Variants in TLN2 observed in about 807,000 individuals in gnomAD.
TLN2 encodes talin 2, also known as talin-2.
In TLN2, 118 loss-of-function variants were observed where a neutral mutation model predicts 294.7. That is an observed-to-expected ratio of 0.40 (90% CI 0.34 to 0.47). The LOEUF (loss-of-function observed/expected upper bound fraction) is 0.47, where lower values mean the gene tolerates loss of function less well. Ranked by LOEUF, TLN2 falls within the 20% of genes least tolerant of loss-of-function variation. The pLI, the probability that TLN2 is intolerant of heterozygous loss-of-function variation, is 0.84. For missense variants in TLN2, 3,083 were observed against 3,282.2 expected (o/e 0.94, Z 1.48); for synonymous variants, 1,431 against 1,304.5 (o/e 1.10, Z -2.09).
chr15:62,731,156 T>C (rs996162173), intron 28 of TLN2, among the ~76,000 whole-genome samples: 9 of 152,234 alleles, frequency 5.9e-5, no homozygotes, highest in Non-Finnish European at 1.0e-4. Context: ...TACTTATAGT[T>C]TGTGTCTCTG....
intron 1 of TLN2, among the ~76,000 whole-genome samples, chr15:62,481,268 C>G (rs534150496): frequency 4.6e-5 from 7 of 151,630 alleles, no homozygotes; most frequent in African/African-American, 1.7e-4. Flanking sequence ...TTAAAAACAA[C>G]AAACTATTAA....
Position 62,739,360 on chromosome 15 carries a change from A to G in TLN2, c.3700A>G (p.Thr1234Ala). 2 of 1,613,564 alleles carry G rather than the reference A, an allele frequency of 1.2e-6. No individual in the cohort carries two copies. Among genetic ancestry groups the G allele is most frequent in the East Asian group, 2.2e-5 (1 of 44,870 alleles). Reference sequence around the variant, plus strand: ...CTGTTCCCCACAGCTACCTCCAAGCACGAAGCCTTTCCAGGAAGCCCAGAG... The same window carrying G: ...CTGTTCCCCACAGCTACCTCCAAGCGCGAAGCCTTTCCAGGAAGCCCAGAG... ...KLLVDSLPPSTKPFQEAQSEL... is the reference protein window; with the variant it reads ...KLLVDSLPPSAKPFQEAQSEL... Residue 1234 changes from threonine to alanine, a missense_variant, in exon 31 of 59, where the codon ACG becomes GCG. Thr to Ala is a moderately conservative substitution (Grantham distance 58). Coordinates refer to ENST00000636159, the MANE Select transcript of TLN2 (RefSeq NM_015059.3).
rs748227978 is a variant in TLN2 at position 62,776,922 on chromosome 15, C to T, written c.5514+12C>T. 1 of 1,511,026 alleles carries T rather than the reference C, an allele frequency of 6.6e-7. No individual in the cohort carries two copies. The highest frequency in any genetic ancestry group is 8.9e-7 in the Non-Finnish European group (1 of 1,123,866). The allele number at this position is 1,511,026 out of a possible 1,614,324, so 93.6% of individuals were successfully genotyped here. A position where few individuals can be genotyped will look rare whatever the true frequency, so the allele number is the denominator to read the frequency against. The stretch of plus-strand genomic sequence containing the variant: ...AAGCCATGAGCAAGGTGGGCATGGG[C>T]TCTAGGGCTCTCTACTCCCTTATCT... On this transcript the variant is annotated intron_variant, in intron 43 of 58. Transcript: ENST00000636159.
intron 52 of TLN2, among the ~76,000 whole-genome samples, chr15:62,815,177 TCACACACACACACA>T (rs3055852): frequency 0.015 from 2,067 of 140,654 alleles, 31 homozygotes; most frequent in South Asian, 0.037. Context: ...ATTCTGTCTG[TCACACACACACACA>T]CACACACACA....
Position 62,489,037 on chromosome 15 carries a change from T to C in TLN2, c.-238+98352T>C, listed in dbSNP as rs191199824. ...TTAGCTGGGCATGGTGGTGCATGCC[T>C]GTAGTCGCAGCTACTTGGGAGGCTG... On this transcript the variant is annotated intron_variant, in intron 1 of 58. Transcript: ENST00000636159. 1.6e-4 allele frequency among the ~76,000 whole-genome samples: 25 copies of C among 152,304 alleles called. No homozygotes were observed. In the East Asian group the frequency reaches 4.8e-3, roughly 29 times the overall value.
intron 1 of TLN2, among the ~76,000 whole-genome samples, chr15:62,440,592 G>A (rs1372966956): frequency 2.6e-5 from 4 of 152,140 alleles, no homozygotes; most frequent in Admixed American, 6.5e-5. Context: ...CCTCTGCTTT[G>A]GTGAATGTTT....
intron 1 of TLN2, among the ~76,000 whole-genome samples, chr15:62,553,442 G>A (rs963112982): frequency 1.4e-4 from 22 of 151,910 alleles, no homozygotes; most frequent in African/African-American, 3.6e-4. Context: ...CCGAGATCAC[G>A]CCATTGCACT....
rs543296981 is a variant in TLN2, at chr15:62,726,968, A to G, written c.3256-119A>G. ...TACCACCCTGCTGCGGCTTAGTGCCATTGGTGGGAAAGAGCTAGGGCTCAA... is the reference window on the plus strand; with the variant it reads ...TACCACCCTGCTGCGGCTTAGTGCCGTTGGTGGGAAAGAGCTAGGGCTCAA... On this transcript the variant is annotated intron_variant, in intron 27 of 58. Transcript: ENST00000636159. The G allele has an allele frequency of 8.8e-6, 9 of 1,017,930 alleles. No individual in the cohort carries two copies. In the South Asian group the frequency reaches 1.4e-4, roughly 16 times the overall value. The allele number at this position is 1,017,930 out of a possible 1,614,324, so 63.1% of individuals were successfully genotyped here. A position where few individuals can be genotyped will look rare whatever the true frequency, so the allele number is the denominator to read the frequency against.
intron 54 of TLN2, among the ~76,000 whole-genome samples, chr15:62,825,349 C>T (rs1181106077): frequency 6.6e-6 from 1 of 152,112 alleles, no homozygotes; most frequent in Admixed American, 6.6e-5. Context: ...AGACGAAGCC[C>T]AGTTGTTTGA....
chr15:62,781,108 T>G (rs371458051), intron 43 of TLN2, 32 bp from the exon 44 acceptor site: 7 of 1,548,414 alleles, frequency 4.5e-6, no homozygotes, highest in South Asian at 3.3e-5. Context: ...AGGCTTCTTA[T>G]GACCTTTGGA....
Position 62,759,321 on chromosome 15 carries a change from G to A in TLN2, c.4639-2360G>A, listed in dbSNP as rs555797487. ...CTTGTCCTTTTTGAGAATGGAAAAT[G>A]ATTGATATGGCTTGCTATTCTAGTT... On this transcript the variant is annotated intron_variant, in intron 37 of 58. Coordinates refer to ENST00000636159, the MANE Select transcript of TLN2 (RefSeq NM_015059.3). Among the ~76,000 whole-genome samples, 21 of 152,338 alleles carry A rather than the reference G, an allele frequency of 1.4e-4. No individual in the cohort carries two copies. In the South Asian group the frequency reaches 3.9e-3, roughly 29 times the overall value.
intron 32 of TLN2, among the ~76,000 whole-genome samples, chr15:62,742,707 A>G (rs1171115561): frequency 6.6e-6 from 1 of 152,174 alleles, no homozygotes; most frequent in Non-Finnish European, 1.5e-5. Context: ...GTGATTTCAT[A>G]GCCAGGTAAG....
At chr15:62,695,962 A>G (rs940107858) in intron 14 of TLN2, among the ~76,000 whole-genome samples, 1 of 152,178 alleles carries the variant, frequency 6.6e-6, no homozygotes, top group African/African-American at 2.4e-5. Flanking sequence ...TGCCCACAGC[A>G]TCACTGTGGG....
chr15:62,549,683 G>A (rs1044016295), intron 1 of TLN2, among the ~76,000 whole-genome samples: 1 of 152,206 alleles, frequency 6.6e-6, no homozygotes, highest in Non-Finnish European at 1.5e-5. Flanking sequence ...TGCTGTGGAA[G>A]TTTAGAGAAG....
intron 1 of TLN2, among the ~76,000 whole-genome samples, chr15:62,493,105 A>T (rs1434098760): frequency 6.6e-6 from 1 of 152,034 alleles, no homozygotes; most frequent in Non-Finnish European, 1.5e-5. Context: ...TCAGGGAGGG[A>T]CAGATGAAGG....
chr15:62,549,795 T>G (rs1159722707), intron 1 of TLN2, among the ~76,000 whole-genome samples: 4 of 152,162 alleles, frequency 2.6e-5, no homozygotes, highest in African/African-American at 7.2e-5. Flanking sequence ...GGCAGATGTT[T>G]AGGCAGAGGG....
chr15:62,678,695 G>T (rs1324298472), intron 11 of TLN2, among the ~76,000 whole-genome samples: 1 of 152,196 alleles, frequency 6.6e-6, no homozygotes, highest in Non-Finnish European at 1.5e-5. Flanking sequence ...GCTAGATGTG[G>T]TGGTGCACAT....
chr15:62,701,265 G>GTTTT, intron 17 of TLN2, 51 bp downstream of exon 17: 1 of 1,147,310 alleles, frequency 8.7e-7, no homozygotes, highest in African/African-American at 1.6e-5. Context: ...TAAAAGCTGT[G>GTTTT]TTTTTTTTTT....
intron 28 of TLN2, among the ~76,000 whole-genome samples, chr15:62,735,895 T>C (rs1359782295): frequency 6.6e-6 from 1 of 152,154 alleles, no homozygotes; most frequent in Non-Finnish European, 1.5e-5. Flanking sequence ...GAATACTATA[T>C]AGCAAGAAAA....
Sources: gnomAD v4.1 joint callset for allele counts (sites outside exome capture counted in the v4.1 genomes callset) on GRCh38, gnomAD v4.1.1 for gene constraint, MANE v1.5 for transcripts, NCBI Gene and HGNC (gene_info 2026-07-23, HGNC 2026-07-21) for gene names.